DCLK2: variants seen among roughly 807,000 people sequenced by gnomAD.
DCLK2 encodes the protein doublecortin like kinase 2.
A neutral mutation model predicts 78.4 loss-of-function variants in DCLK2; 31 were observed. That is an observed-to-expected ratio of 0.40 (90% confidence interval 0.30 to 0.53). DCLK2 has a LOEUF of 0.53. Among genes scored for constraint, DCLK2 ranks in the 20% least tolerant of loss-of-function variants. DCLK2 has a pLI of 0.61. For synonymous variants in DCLK2, 407 were observed against 374.9 expected (o/e 1.09, Z -0.99); for missense variants, 872 against 973.7 (o/e 0.90, Z 1.39).
intron 10 of DCLK2, among the ~76,000 whole-genome samples, chr4:150,233,671 T>C (rs1483710911): frequency 6.6e-6 from 1 of 152,192 alleles, no homozygotes; most frequent in African/African-American, 2.4e-5. Context: ...TATCCTATTA[T>C]TCTACAGAAT....
At chr4:150,139,920 T>C (rs1211748995) in intron 2 of DCLK2, among the ~76,000 whole-genome samples, 1 of 152,270 alleles carries the variant, frequency 6.6e-6, no homozygotes, top group Non-Finnish European at 1.5e-5. Flanking sequence ...TCTATCCAAA[T>C]GACATGGTTG....
At chr4:150,138,872 G>A (rs898662632) in intron 2 of DCLK2, among the ~76,000 whole-genome samples, 1 of 151,966 alleles carries the variant, frequency 6.6e-6, no homozygotes, top group Non-Finnish European at 1.5e-5. Context: ...CACCTTGTTA[G>A]CCAGGATGGT....
At chr4:150,110,494 A>G (rs931036462) in intron 2 of DCLK2, among the ~76,000 whole-genome samples, 1 of 151,858 alleles carries the variant, frequency 6.6e-6, no homozygotes, top group Admixed American at 6.6e-5. Context: ...GCATTTTTGA[A>G]TTTCAGTAGC....
At chr4:150,129,796 C>T (rs1733173065) in intron 2 of DCLK2, among the ~76,000 whole-genome samples, 1 of 151,598 alleles carries the variant, frequency 6.6e-6, no homozygotes. Context: ...AACAACTAGC[C>T]ATACTTTATT....
intron 2 of DCLK2, among the ~76,000 whole-genome samples, chr4:150,134,857 T>G (rs1733581060): frequency 6.6e-6 from 1 of 152,138 alleles, no homozygotes; most frequent in African/African-American, 2.4e-5. Flanking sequence ...TTTTTGAGAC[T>G]GATGTGTTTT....
Position 150,079,376 on chromosome 4 carries a change from C to T in DCLK2, c.349C>T (p.Pro117Ser), listed in dbSNP as rs1220187825. The change falls in exon 1 of 16, where the codon CCC (proline) becomes TCC (serine). Residue 117 changes from proline (P) to serine (S), a missense_variant. Pro to Ser is a moderately conservative substitution (Grantham distance 74, BLOSUM62 -1). Around this residue, in one of 3 missense-constraint regions of DCLK2, gnomAD observed 567 missense variants for 593.4 expected, o/e 0.96. Transcript: ENST00000296550. Reference sequence around the variant, plus strand: ...CTCCCTGTCGGACAACGTGAACCTGCCCCAGGGTGTCCGCACTATCTACAC... The same window carrying T: ...CTCCCTGTCGGACAACGTGAACCTGTCCCAGGGTGTCCGCACTATCTACAC... ...TRSLSDNVNL[P>S]QGVRTIYTID... The T allele has an allele frequency of 1.9e-6, 3 of 1,589,086 alleles. No individual in the cohort carries two copies. Among genetic ancestry groups the T allele is most frequent in the Non-Finnish European group, 1.7e-6 (2 of 1,167,842 alleles).
chr4:150,158,210 A>G (rs1214418982), intron 2 of DCLK2, among the ~76,000 whole-genome samples: 1 of 152,112 alleles, frequency 6.6e-6, no homozygotes, highest in East Asian at 1.9e-4. Context: ...TCCTCTATGC[A>G]TGCACACCCT....
intron 1 of DCLK2, among the ~76,000 whole-genome samples, chr4:150,095,323 C>A (rs1206492762): frequency 6.6e-6 from 1 of 152,198 alleles, no homozygotes; most frequent in Non-Finnish European, 1.5e-5. Flanking sequence ...CCTATGAAGG[C>A]ATCCCTAATC....
In DCLK2 at chr4:150,107,378, G is replaced by GGTTTTTTT. The variant is rs535824608; in HGVS notation, c.756+4566_756+4567insGTTTTTTT. ...GGTTTGTAGGGTTTTTTTGGTTATT[G>GGTTTTTTT]TTTTTTTTTTTTTTTTTGGAGACAG... On this transcript the variant is annotated intron_variant, in intron 2 of 15. Transcript: ENST00000296550. Among the ~76,000 whole-genome samples, 4 of 125,180 alleles carry GGTTTTTTT rather than the reference G, an allele frequency of 3.2e-5. 1 individual carries two copies. Among genetic ancestry groups the GGTTTTTTT allele is most frequent in the Non-Finnish European group, 4.9e-5 (3 of 61,090 alleles). The allele number at this position is 125,180 out of a possible 152,430, so 82.1% of individuals were successfully genotyped here. A position where few individuals can be genotyped will look rare whatever the true frequency, so the allele number is the denominator to read the frequency against.
chr4:150,236,819 C>T (rs2126587662), intron 10 of DCLK2, among the ~76,000 whole-genome samples: 1 of 152,320 alleles, frequency 6.6e-6, no homozygotes, highest in Admixed American at 6.5e-5. Flanking sequence ...CCCCTAATGA[C>T]ACTTCCTTTG....
intron 2 of DCLK2, among the ~76,000 whole-genome samples, chr4:150,103,255 A>T (rs903266740): frequency 1.3e-5 from 2 of 152,234 alleles, no homozygotes; most frequent in African/African-American, 4.8e-5. Context: ...TACATATAAT[A>T]GGGAAAATGT....
intron 2 of DCLK2, among the ~76,000 whole-genome samples, chr4:150,155,074 T>TA (rs1159811435): frequency 3.3e-5 from 5 of 151,776 alleles, no homozygotes; most frequent in Non-Finnish European, 4.4e-5. Context: ...CTACAAAAAA[T>TA]AAAAAAAATT....
At chr4:150,192,156 A>G (rs969908294) in intron 2 of DCLK2, among the ~76,000 whole-genome samples, 3 of 152,158 alleles carry the variant, frequency 2.0e-5, no homozygotes, top group East Asian at 1.9e-4. Context: ...AAACTAATAC[A>G]GTATGGAAGG....
chr4:150,167,019 T>G (rs1404231140), intron 2 of DCLK2, among the ~76,000 whole-genome samples: 1 of 152,182 alleles, frequency 6.6e-6, no homozygotes, highest in Non-Finnish European at 1.5e-5. Flanking sequence ...GGTGCATTAT[T>G]CTCATTGGGA....
intron 15 of DCLK2, chr4:150,253,627 G>A: frequency 1.6e-6 from 2 of 1,280,414 alleles, no homozygotes; most frequent in South Asian, 2.5e-5. Context: ...GCTTGTCTCA[G>A]TTTCTGATGC....
chr4:150,079,503 GGGCGTGAGCCGGC>G (rs1729084951), intron 1 of DCLK2, 55 bp downstream of exon 1: 1 of 1,429,478 alleles, frequency 7.0e-7, no homozygotes, highest in African/African-American at 1.5e-5. Flanking sequence ...CAGGTGCAGT[GGGCGTGAGCCGGC>G]GCAGCGGGGA....
At chr4:150,240,541 A>C (rs1390258020) in intron 12 of DCLK2, 65 bp downstream of exon 12, 11 of 1,334,438 alleles carry the variant, frequency 8.2e-6, no homozygotes, top group Non-Finnish European at 1.1e-5. Flanking sequence ...AGAAGCAGGT[A>C]CTTTGCTCCT....
intron 12 of DCLK2, among the ~76,000 whole-genome samples, chr4:150,241,763 A>G (rs937473916): frequency 6.6e-6 from 1 of 152,198 alleles, no homozygotes. Context: ...TTCTTGGTTC[A>G]TAGACAGCCA....
rs914036513 is a variant in DCLK2 at position 150,257,025 on chromosome 4, C to T, written c.*778C>T. On this transcript the variant is annotated 3_prime_UTR_variant, in exon 16 of 16. Coordinates refer to ENST00000296550, the MANE Select transcript of DCLK2 (RefSeq NM_001040260.4). Reference sequence around the variant, plus strand: ...TGTTAGGAAATGCCCGTGAACTTGCCCTCTGGGCTTTTTAATGAGAGGCTT... The same window carrying T: ...TGTTAGGAAATGCCCGTGAACTTGCTCTCTGGGCTTTTTAATGAGAGGCTT... The T allele has an allele frequency of 2.0e-5, 3 of 152,248 alleles. No homozygotes were observed. Among genetic ancestry groups the T allele is most frequent in the African/African-American group, 4.8e-5 (2 of 41,446 alleles). The allele number at this position is 152,248 out of a possible 1,614,324, so 9.4% of individuals were successfully genotyped here. A position where few individuals can be genotyped will look rare whatever the true frequency, so the allele number is the denominator to read the frequency against.
Sources: allele counts gnomAD v4.1 joint callset (sites outside exome capture counted in the v4.1 genomes callset), GRCh38; gene constraint gnomAD v4.1.1; regional missense constraint gnomAD v4.1.1; transcripts MANE v1.5; gene names NCBI Gene and HGNC (gene_info 2026-07-23, HGNC 2026-07-21).